Variants in GBE1 observed in about 807,000 individuals in gnomAD.
The protein encoded by GBE1 is 1,4-alpha-glucan branching enzyme 1, also known as 1,4-alpha-glucan-branching enzyme.
In GBE1, 70 loss-of-function variants were observed where a neutral mutation model predicts 88.8. That is an observed-to-expected ratio of 0.79 (90% confidence interval 0.65 to 0.96). GBE1 has a LOEUF of 0.96. GBE1 is among the 40% of genes least tolerant of loss of function. GBE1 has a pLI of 0.00. For missense variants in GBE1, 872 were observed against 871.0 expected (o/e 1.00, Z -0.01); for synonymous variants, 284 against 300.1 (o/e 0.95, Z 0.56).
chr3:81,712,287 C>G (rs1705878581), intron 1 of GBE1, among the ~76,000 whole-genome samples: 1 of 152,188 alleles, frequency 6.6e-6, no homozygotes, highest in Admixed American at 6.5e-5. Context: ...TTTGACCCAG[C>G]CATCCCATTA....
chr3:81,742,132 G>C (rs1292696245), intron 1 of GBE1, among the ~76,000 whole-genome samples: 1 of 151,744 alleles, frequency 6.6e-6, no homozygotes, highest in Non-Finnish European at 1.5e-5. Flanking sequence ...GAGTAGCTTC[G>C]AGAGCCTCTA....
At chr3:81,497,339 C>T (rs2106807119) in intron 15 of GBE1, among the ~76,000 whole-genome samples, 1 of 152,232 alleles carries the variant, frequency 6.6e-6, no homozygotes, top group East Asian at 1.9e-4. Flanking sequence ...GTTTAAACGA[C>T]TGAACAATAA....
intron 12 of GBE1, among the ~76,000 whole-genome samples, chr3:81,555,570 C>T (rs1426011322): frequency 6.6e-6 from 1 of 152,168 alleles, no homozygotes; most frequent in East Asian, 1.9e-4. Context: ...ACTATTCACA[C>T]CTGGCTGAGT....
At chr3:81,517,638 T>G (rs1341973600) in intron 14 of GBE1, among the ~76,000 whole-genome samples, 2 of 151,454 alleles carry the variant, frequency 1.3e-5, no homozygotes, top group African/African-American at 2.4e-5. Context: ...TATGAAGATC[T>G]GCTCAGCAAG....
At chr3:81,535,000 G>A (rs1037751313) in intron 14 of GBE1, 195 bp downstream of exon 14, 1 of 537,162 alleles carries the variant, frequency 1.9e-6, no homozygotes, top group African/African-American at 2.0e-5. Flanking sequence ...CCAAAATGAA[G>A]CTTAGGAATA....
intron 11 of GBE1, among the ~76,000 whole-genome samples, chr3:81,580,615 A>G (rs902778753): frequency 6.6e-6 from 1 of 152,144 alleles, no homozygotes; most frequent in Admixed American, 6.6e-5. Flanking sequence ...TTTGAATTAC[A>G]GGCTTCGACC....
chr3:81,560,204 A>AT (rs1167421066), intron 12 of GBE1, among the ~76,000 whole-genome samples: 1 of 152,012 alleles, frequency 6.6e-6, no homozygotes, highest in East Asian at 1.9e-4. Context: ...CTAAAAAAAA[A>AT]TTTTTAAGTG....
intron 6 of GBE1, among the ~76,000 whole-genome samples, chr3:81,643,624 T>C (rs780693039): frequency 2.0e-5 from 3 of 152,164 alleles, no homozygotes; most frequent in African/African-American, 4.8e-5. Context: ...ATTTTGACAT[T>C]ATAGTCATCC....
intron 2 of GBE1, among the ~76,000 whole-genome samples, chr3:81,703,484 G>A (rs1705730220): frequency 6.6e-6 from 1 of 151,926 alleles, no homozygotes; most frequent in African/African-American, 2.4e-5. Context: ...AGAGGCGATA[G>A]AGCACTTGAA....
chr3:81,565,101 G>A (rs2106915340), intron 12 of GBE1, among the ~76,000 whole-genome samples: 1 of 152,186 alleles, frequency 6.6e-6, no homozygotes, highest in East Asian at 1.9e-4. Flanking sequence ...AATCAAATCA[G>A]GGCCATTGCT....
intron 1 of GBE1, among the ~76,000 whole-genome samples, chr3:81,739,625 T>A (rs1482331478): frequency 6.6e-6 from 1 of 152,102 alleles, no homozygotes; most frequent in Non-Finnish European, 1.5e-5. Context: ...AAATAAAATA[T>A]CTTACCCTGT....
chr3:81,570,606 T>A (rs1235873831), intron 12 of GBE1, among the ~76,000 whole-genome samples: 3 of 152,216 alleles, frequency 2.0e-5, no homozygotes, highest in African/African-American at 7.2e-5. Context: ...AATTGGAGAC[T>A]GGTGTAATTG....
In GBE1 at chr3:81,748,567, C is replaced by T. The variant is rs1314525263; in HGVS notation, c.143+12808G>A. ...CGGAGCTTGCAGTGAGCCGAGACCGCGCCACTGCACTCCAGCCTGGGTGAT... is the reference window on the plus strand; with the variant it reads ...CGGAGCTTGCAGTGAGCCGAGACCGTGCCACTGCACTCCAGCCTGGGTGAT... On this transcript the variant is annotated intron_variant, in intron 1 of 15. Transcript: ENST00000429644. 4.6e-5 allele frequency among the ~76,000 whole-genome samples: 7 copies of T among 151,904 alleles called. No homozygotes were observed. The South Asian group carries it at 1.0e-3, about 23-fold the overall frequency.
At chr3:81,590,727 T>C (rs1238947444) in intron 9 of GBE1, among the ~76,000 whole-genome samples, 1 of 152,152 alleles carries the variant, frequency 6.6e-6, no homozygotes, top group Non-Finnish European at 1.5e-5. Context: ...TAATATTCAA[T>C]TCTTTTCTCT....
chr3:81,567,016 T>C (rs983246749), intron 12 of GBE1, among the ~76,000 whole-genome samples: 54 of 152,302 alleles, frequency 3.5e-4, no homozygotes, highest in African/African-American at 1.2e-3. Context: ...ATTTATCTGC[T>C]GCCTTTATTA....
chr3:81,629,023 T>G (rs1335789558), intron 7 of GBE1, among the ~76,000 whole-genome samples: 4 of 143,236 alleles, frequency 2.8e-5, no homozygotes, highest in South Asian at 2.1e-4. Flanking sequence ...TTTAAGTTTT[T>G]TTTTTTTTTT....
At chr3:81,569,823 AT>A (rs1559648186) in intron 12 of GBE1, among the ~76,000 whole-genome samples, 1 of 152,024 alleles carries the variant, frequency 6.6e-6, no homozygotes, top group South Asian at 2.1e-4. Flanking sequence ...ATTTTATTTT[AT>A]TTTTTTAATT....
chr3:81,519,983 C>T (rs936146236), intron 14 of GBE1, among the ~76,000 whole-genome samples: 3 of 151,500 alleles, frequency 2.0e-5, no homozygotes, highest in African/African-American at 7.3e-5. Context: ...GCTACCACCC[C>T]CAACCACATG....
rs115954513 is a variant in GBE1 at position 81,521,877 on chromosome 3, T to C, written c.1934+13318A>G. On this transcript the variant is annotated intron_variant, in intron 14 of 15. Transcript: ENST00000429644. ...CAAAAGAAAAACCCAAGATTTTTGT[T>C]TGGATGGAAATACAATGTGAAAGGA... Among the ~76,000 whole-genome samples the C allele has an allele frequency of 6.4e-3, 978 of 151,658 alleles. 4 individuals are homozygous for C. Among genetic ancestry groups the C allele is most frequent in the African/African-American group, 0.015 (606 of 41,492 alleles).
Sources: allele counts gnomAD v4.1 joint callset (sites outside exome capture counted in the v4.1 genomes callset), GRCh38; gene constraint gnomAD v4.1.1; transcripts MANE v1.5; gene names NCBI Gene and HGNC (gene_info 2026-07-23, HGNC 2026-07-21).